Variants in PLXNA2 observed in about 807,000 individuals in gnomAD.
The protein encoded by PLXNA2 is plexin-A2.
Under a neutral mutation model 193.5 loss-of-function variants are expected in PLXNA2, and 91 were observed. The observed-to-expected ratio is 0.47, with a 90% CI of 0.40 to 0.56. The LOEUF is 0.56. Ranked by LOEUF, PLXNA2 falls within the 20% of genes least tolerant of loss-of-function variation. The pLI is 0.00. For synonymous variants in PLXNA2, 997 were observed against 1,027.3 expected, an observed-to-expected ratio of 0.97 and a Z score of 0.56; for missense variants, 1,995 against 2,503.2, an observed-to-expected ratio of 0.80 and a Z score of 4.33.
intron 1 of PLXNA2, among the ~76,000 whole-genome samples, chr1:208,224,532 G>C (rs1671453608): frequency 6.6e-6 from 1 of 152,054 alleles, no homozygotes; most frequent in Non-Finnish European, 1.5e-5. Flanking sequence ...AAAGGGGGAG[G>C]GGGGTGAGGA....
chr1:208,218,950 G>C (rs1671233626), intron 1 of PLXNA2, among the ~76,000 whole-genome samples: 1 of 152,210 alleles, frequency 6.6e-6, no homozygotes, highest in South Asian at 2.1e-4. Flanking sequence ...GCCACCTGGG[G>C]CAGGGGTACC....
chr1:208,159,341 G>C (rs1245663147), intron 3 of PLXNA2, among the ~76,000 whole-genome samples: 2 of 152,168 alleles, frequency 1.3e-5, no homozygotes, highest in East Asian at 1.9e-4. Context: ...TCATCCTGTG[G>C]GGGGAAGTAC....
intron 3 of PLXNA2, among the ~76,000 whole-genome samples, chr1:208,173,764 C>A (rs571892803): frequency 6.6e-6 from 1 of 152,284 alleles, no homozygotes; most frequent in Non-Finnish European, 1.5e-5. Flanking sequence ...TAGCATTGGC[C>A]AGCCATATTG....
intron 12 of PLXNA2, among the ~76,000 whole-genome samples, chr1:208,066,358 C>T (rs1167865224): frequency 6.6e-6 from 1 of 152,194 alleles, no homozygotes; most frequent in Non-Finnish European, 1.5e-5. Flanking sequence ...CCTCTGCCCG[C>T]CCCTCACACT....
chr1:208,153,767 G>A (rs185031129), intron 3 of PLXNA2, among the ~76,000 whole-genome samples: 2 of 152,220 alleles, frequency 1.3e-5, no homozygotes, highest in Non-Finnish European at 2.9e-5. Context: ...TCCATCCCTT[G>A]CAGTCCCCGG....
In PLXNA2 at chr1:208,039,677, G is replaced by A. The variant is rs1328928630; in HGVS notation, c.4444C>T (p.Arg1482Cys). ...GPIDAITGEA[R>C]YSLSEDKLIR... ...AGCTTGTCCTCGCTCAGGGAGTAGC[G>A]GGCCTCGCCCGTGATGGCATCAATG... is the stretch of plus-strand genomic sequence containing the variant. The change falls in exon 24 of 32, where the codon CGC becomes TGC. Residue 1482 changes from arginine to cysteine, a missense_variant. By Grantham distance (180) the Arg-to-Cys change is radical. Coordinates refer to ENST00000367033, the MANE Select transcript of PLXNA2 (RefSeq NM_025179.4). 3 of 1,614,214 alleles carry A rather than the reference G, an allele frequency of 1.9e-6. No individual in the cohort carries two copies. Among genetic ancestry groups the A allele is most frequent in the Non-Finnish European group, 1.7e-6 (2 of 1,180,056 alleles).
At chr1:208,031,793 G>T (rs751120294) in intron 28 of PLXNA2, 34 bp from the exon 29 acceptor site, 1 of 1,524,224 alleles carries the variant, frequency 6.6e-7, no homozygotes. Flanking sequence ...AAGATGGAGG[G>T]GGGTGACGGC....
At chr1:208,230,137 T>G (rs1671641146) in intron 1 of PLXNA2, 1 of 152,240 alleles carries the variant, frequency 6.6e-6, no homozygotes, top group African/African-American at 2.4e-5. Context: ...TATTCTTGTT[T>G]CTGCTTTTGG....
rs758447103 is a variant in PLXNA2, at chr1:208,028,959, C to A, written c.5309G>T (p.Cys1770Phe). Residue 1770 changes from cysteine to phenylalanine, a missense_variant, in exon 30 of 32, where the codon TGC becomes TTC. By Grantham distance (205) the Cys-to-Phe change is radical. This residue lies in a region of PLXNA2 where 1,291 missense variants were observed against 1,673.6 expected (regional missense o/e 0.77). Transcript: ENST00000367033. The surrounding 1 kb of genome is among the most constrained non-coding windows in gnomAD (Gnocchi z 4.2). ...GAAGGTCTGGGCCACCACAGAGAGGCAGGCGTCCGTGATGCTGCCCTTGTG... is the reference window on the plus strand; with the variant it reads ...GAAGGTCTGGGCCACCACAGAGAGGAAGGCGTCCGTGATGCTGCCCTTGTG... Reference protein sequence around the residue: ...DIHKGSITDACLSVVAQTFMD... With the variant: ...DIHKGSITDAFLSVVAQTFMD... The A allele has an allele frequency of 2.4e-5, 38 of 1,614,152 alleles. No homozygotes were observed. The highest frequency in any genetic ancestry group is 3.1e-5 in the Non-Finnish European group (37 of 1,180,024).
At chr1:208,173,977 C>T (rs1432920009) in intron 3 of PLXNA2, among the ~76,000 whole-genome samples, 1 of 152,228 alleles carries the variant, frequency 6.6e-6, no homozygotes. Flanking sequence ...CCCACTCACA[C>T]AGAAGCACAT....
chr1:208,059,242 T>C (rs1665538299), intron 13 of PLXNA2, among the ~76,000 whole-genome samples: 1 of 152,238 alleles, frequency 6.6e-6, no homozygotes, highest in African/African-American at 2.4e-5. Flanking sequence ...TTCACCTCTT[T>C]TTTGGCTCAG....
intron 4 of PLXNA2, among the ~76,000 whole-genome samples, chr1:208,112,447 T>C (rs1271418197): frequency 6.6e-6 from 1 of 152,214 alleles, no homozygotes; most frequent in Non-Finnish European, 1.5e-5. Context: ...AATGGTGACA[T>C]TGATATCCAT....
intron 4 of PLXNA2, among the ~76,000 whole-genome samples, chr1:208,111,550 G>A (rs1667476114): frequency 6.6e-6 from 1 of 152,072 alleles, no homozygotes; most frequent in South Asian, 2.1e-4. Flanking sequence ...TGTCGCCATG[G>A]GCACTCCGGT....
intron 3 of PLXNA2, among the ~76,000 whole-genome samples, chr1:208,152,410 G>A (rs1668793608): frequency 6.6e-6 from 1 of 151,946 alleles, no homozygotes; most frequent in Non-Finnish European, 1.5e-5. Context: ...CTCTTATCTG[G>A]GCTACTGCAA....
intron 11 of PLXNA2, among the ~76,000 whole-genome samples, chr1:208,080,178 G>C (rs1666289782): frequency 6.6e-6 from 1 of 152,164 alleles, no homozygotes; most frequent in Admixed American, 6.5e-5. Context: ...GAAAGGCCAG[G>C]TGGCTAGCAG....
chr1:208,200,457 G>A (rs1162467048), intron 3 of PLXNA2, among the ~76,000 whole-genome samples: 2 of 151,806 alleles, frequency 1.3e-5, no homozygotes, highest in African/African-American at 4.8e-5. Flanking sequence ...TGAAGTATTT[G>A]TCGTTCTGGT....
chr1:208,210,688 T>C (rs895145622), intron 2 of PLXNA2, among the ~76,000 whole-genome samples: 9 of 152,154 alleles, frequency 5.9e-5, no homozygotes, highest in African/African-American at 1.9e-4. Context: ...GCAGCAACCT[T>C]CCACTCAGCT....
intron 3 of PLXNA2, among the ~76,000 whole-genome samples, chr1:208,170,502 G>A (rs1238281613): frequency 6.6e-6 from 1 of 152,214 alleles, no homozygotes; most frequent in Admixed American, 6.5e-5. Context: ...GAGGCCCTGT[G>A]GGGCTGGATG....
rs116044033 is a variant in PLXNA2, at chr1:208,162,447, C to T, written c.1372-19984G>A. Reference sequence around the variant, plus strand: ...CTTCAGTTTATTGGGCCTCAGTTGACTGATATATAAAATTAGCATTTACTC... The same window carrying T: ...CTTCAGTTTATTGGGCCTCAGTTGATTGATATATAAAATTAGCATTTACTC... On this transcript the variant is annotated intron_variant, in intron 3 of 31. Coordinates refer to ENST00000367033, the MANE Select transcript of PLXNA2 (RefSeq NM_025179.4). Among the ~76,000 whole-genome samples the T allele has an allele frequency of 2.3e-3, 353 of 152,290 alleles. 2 individuals carry two copies. Among genetic ancestry groups the T allele is most frequent in the African/African-American group, 7.9e-3 (329 of 41,556 alleles).
Sources: allele counts gnomAD v4.1 joint callset (sites outside exome capture counted in the v4.1 genomes callset), GRCh38; gene constraint gnomAD v4.1.1; regional missense constraint gnomAD v4.1.1; non-coding constraint Gnocchi (gnomAD v3.1); transcripts MANE v1.5; gene names NCBI Gene and HGNC (gene_info 2026-07-23, HGNC 2026-07-21).